Variants in CAB39 observed in about 807,000 individuals in gnomAD.
CAB39 encodes the protein calcium binding protein 39.
In CAB39, 8 loss-of-function variants were observed where a neutral mutation model predicts 40.0. That is an observed-to-expected ratio of 0.20 (90% CI 0.12 to 0.36). The LOEUF (loss-of-function observed/expected upper bound fraction) is 0.36. CAB39 is among the 10% of genes least tolerant of loss of function. CAB39 has a pLI of 1.00. For synonymous variants in CAB39, 156 were observed against 141.6 expected, an observed-to-expected ratio of 1.10 and a Z score of -0.72; for missense variants, 270 against 401.1, an observed-to-expected ratio of 0.67 and a Z score of 2.79.
intron 2 of CAB39, among the ~76,000 whole-genome samples, chr2:230,767,879 T>C (rs1026977068): frequency 3.3e-5 from 5 of 152,318 alleles, no homozygotes; most frequent in African/African-American, 1.2e-4. Flanking sequence ...GTGCTCTATT[T>C]GGCTTACCTC....
In CAB39 at chr2:230,818,788, G is replaced by A; in HGVS notation, c.*84G>A. ...TCAGGCACTCTTATTGATTCATGAGGAACATTACTGCTAATCTGCTGTTAA... is the reference window on the plus strand; with the variant it reads ...TCAGGCACTCTTATTGATTCATGAGAAACATTACTGCTAATCTGCTGTTAA... On this transcript the variant is annotated 3_prime_UTR_variant, in exon 9 of 9. Coordinates refer to ENST00000258418, the MANE Select transcript of CAB39 (RefSeq NM_016289.4). The A allele has an allele frequency of 9.6e-7, 1 of 1,042,820 alleles. No individual in the cohort carries two copies. The highest frequency in any genetic ancestry group is 1.4e-6 in the Non-Finnish European group (1 of 698,084). The allele number at this position is 1,042,820 out of a possible 1,614,324, so 64.6% of individuals were successfully genotyped here.
At chr2:230,714,060 T>C (rs1029806934) in intron 1 of CAB39, 2 of 150,544 alleles carry the variant, frequency 1.3e-5, no homozygotes, top group Non-Finnish European at 3.0e-5. Flanking sequence ...GCAGAAGAGG[T>C]GTGTGGAAGG....
At chr2:230,809,399 C>G (rs1274439201) in intron 5 of CAB39, among the ~76,000 whole-genome samples, 1 of 152,210 alleles carries the variant, frequency 6.6e-6, no homozygotes, top group East Asian at 1.9e-4. Flanking sequence ...GCGCTATCTT[C>G]TTTAGCAGTG....
chr2:230,794,995 G>C (rs904568125), intron 4 of CAB39, among the ~76,000 whole-genome samples: 1 of 152,118 alleles, frequency 6.6e-6, no homozygotes, highest in Non-Finnish European at 1.5e-5. Flanking sequence ...ATTACTTCCA[G>C]GCTGGACATG....
Position 230,817,704 on chromosome 2 carries a change from A to G in CAB39, c.694-50A>G, listed in dbSNP as rs1456628869. The G allele has an allele frequency of 4.2e-6, 6 of 1,442,270 alleles. No homozygotes were observed. The South Asian group carries it at 6.4e-5, about 15-fold the overall frequency. The allele number at this position is 1,442,270 out of a possible 1,614,324, so 89.3% of individuals were successfully genotyped here. On this transcript the variant is annotated intron_variant, in intron 7 of 8. Coordinates refer to ENST00000258418, the MANE Select transcript of CAB39 (RefSeq NM_016289.4). The stretch of plus-strand genomic sequence containing the variant: ...AAATAAATTGTTTTTTTAAACTTTG[A>G]TTTTTCTTTAAGTTTTAATAACAAG...
At chr2:230,746,256 T>C (rs1694974080) in intron 1 of CAB39, among the ~76,000 whole-genome samples, 2 of 152,286 alleles carry the variant, frequency 1.3e-5, no homozygotes, top group East Asian at 1.9e-4. Flanking sequence ...TTTAAAGATA[T>C]ACAGGAATTA....
At chr2:230,764,235 C>T (rs1282998745) in intron 2 of CAB39, among the ~76,000 whole-genome samples, 1 of 152,106 alleles carries the variant, frequency 6.6e-6, no homozygotes, top group African/African-American at 2.4e-5. Flanking sequence ...CTTTGAGTAC[C>T]CATACAACCA....
rs1275320660 is a variant in CAB39, at chr2:230,748,825, AAAAAAAATATATATATAT to A, written c.-43-11132_-43-11115del. 8.6e-4 allele frequency among the ~76,000 whole-genome samples: 51 copies of A among 59,218 alleles called. 3 individuals are homozygous for A. The highest frequency in any genetic ancestry group is 2.8e-3 in the African/African-American group (46 of 16,514). 38.8% of individuals were successfully genotyped at this position (59,218 alleles called of 152,430 possible). ...CTATTTCCAAAAAGAAAAAAAAAAA[AAAAAAAATATATATATAT>A]ATATATATATATATATATATATATA... is the stretch of plus-strand genomic sequence containing the variant. On this transcript the variant is annotated intron_variant, in intron 1 of 8. Transcript: ENST00000258418.
intron 2 of CAB39, among the ~76,000 whole-genome samples, chr2:230,786,163 CAAAAAA>C (rs369510604): frequency 3.2e-4 from 23 of 72,750 alleles, no homozygotes; most frequent in South Asian, 6.4e-4. Context: ...GACTCTGTCT[CAAAAAA>C]AAAAAAAAAA....
intron 5 of CAB39, among the ~76,000 whole-genome samples, chr2:230,807,393 TC>T (rs1014271007): frequency 1.3e-5 from 2 of 152,080 alleles, no homozygotes; most frequent in African/African-American, 4.8e-5. Flanking sequence ...GTTGCTCTTT[TC>T]CTACTAGTGT....
At chr2:230,802,436 A>G (rs1241559148) in intron 5 of CAB39, among the ~76,000 whole-genome samples, 1 of 152,210 alleles carries the variant, frequency 6.6e-6, no homozygotes, top group Non-Finnish European at 1.5e-5. Context: ...AGATAGAGAC[A>G]CAGAAAACTT....
chr2:230,756,657 G>GTTTATTTA (rs763032543), intron 1 of CAB39, among the ~76,000 whole-genome samples: 2 of 134,598 alleles, frequency 1.5e-5, no homozygotes, highest in African/African-American at 5.2e-5. Flanking sequence ...GTTTCTAACT[G>GTTTATTTA]TTTGTTTATT....
chr2:230,795,168 C>G (rs1240416549), intron 4 of CAB39, among the ~76,000 whole-genome samples: 1 of 151,478 alleles, frequency 6.6e-6, no homozygotes. Context: ...CCCAGCTATT[C>G]GGGAGGCTGA....
chr2:230,738,034 G>A (rs907605973), intron 1 of CAB39, among the ~76,000 whole-genome samples: 3 of 152,088 alleles, frequency 2.0e-5, no homozygotes, highest in Admixed American at 6.5e-5. Flanking sequence ...CATTTTTCTC[G>A]CCTTATCATG....
intron 1 of CAB39, among the ~76,000 whole-genome samples, chr2:230,746,023 C>T (rs1053616139): frequency 2.0e-5 from 3 of 152,014 alleles, no homozygotes; most frequent in Admixed American, 6.6e-5. Flanking sequence ...TTGCCCTTTG[C>T]CTATTTGGTC....
chr2:230,748,831 A>AAAATATATATATATATATATATAT (rs1386799920), intron 1 of CAB39, among the ~76,000 whole-genome samples: 1 of 28,510 alleles, frequency 3.5e-5, no homozygotes, highest in Non-Finnish European at 6.3e-5. Context: ...AAAAAAAAAA[A>AAAATATATATATATATATATATAT]ATATATATAT....
chr2:230,750,482 C>A (rs1342856872), intron 1 of CAB39, among the ~76,000 whole-genome samples: 1 of 152,174 alleles, frequency 6.6e-6, no homozygotes, highest in African/African-American at 2.4e-5. Flanking sequence ...CTAAATAAAC[C>A]TCTTCCCTTT....
intron 2 of CAB39, among the ~76,000 whole-genome samples, chr2:230,770,226 C>G (rs894329758): frequency 2.0e-5 from 3 of 152,080 alleles, no homozygotes; most frequent in Non-Finnish European, 4.4e-5. Context: ...TTGATAAACT[C>G]TAGCTAAGAC....
chr2:230,789,791 C>T (rs1004479256), intron 2 of CAB39, among the ~76,000 whole-genome samples: 1 of 152,208 alleles, frequency 6.6e-6, no homozygotes, highest in African/African-American at 2.4e-5. Flanking sequence ...AGGTCTGCCT[C>T]TTCAACTAAT....
Sources: gnomAD v4.1 joint callset for allele counts (sites outside exome capture counted in the v4.1 genomes callset) on GRCh38, gnomAD v4.1.1 for gene constraint, MANE v1.5 for transcripts, NCBI Gene and HGNC (gene_info 2026-07-23, HGNC 2026-07-21) for gene names.